Variants in GGCX observed in about 807,000 individuals in gnomAD.
The protein encoded by GGCX is gamma-glutamyl carboxylase, also known as vitamin K-dependent gamma-carboxylase.
GGCX carries 63 observed loss-of-function variants against 88.5 expected under a neutral mutation model. The observed-to-expected ratio is 0.71, with a 90% CI of 0.58 to 0.88. The LOEUF (loss-of-function observed/expected upper bound fraction) is 0.88. Among genes scored for constraint, GGCX ranks in the 40% least tolerant of loss-of-function variants. GGCX has a pLI of 0.00. For synonymous variants in GGCX, 368 were observed against 365.8 expected (o/e 1.01, Z -0.07); for missense variants, 805 against 932.9 (o/e 0.86, Z 1.79).
chr2:85,554,276 C>T lies in GGCX; in HGVS notation c.756G>A (p.Leu252=), dbSNP rs1228961736. Residue 252 remains leucine (L), a synonymous_variant, in exon 7 of 15, where the codon CTG becomes CTA. Coordinates refer to ENST00000233838, the MANE Select transcript of GGCX (RefSeq NM_000821.7). ...GCAGCCCACCCCAGTGCACGACCAG[C>T]AGGCTAGTCAGCTCCTCAGACAACA... The part of the protein sequence containing the change: ...KLLLSEELTS[L]LVVHWGGLLL... The T allele has an allele frequency of 1.9e-6, 3 of 1,614,106 alleles. No homozygotes were observed. The highest frequency in any genetic ancestry group is 1.3e-5 in the African/African-American group (1 of 75,058).
intron 6 of GGCX, chr2:85,554,519 G>GC (rs1692121735): frequency 3.3e-6 from 2 of 598,322 alleles, no homozygotes; most frequent in Non-Finnish European, 6.1e-6. Flanking sequence ...AGGCTGGAAG[G>GC]CAATGGCATG....
chr2:85,561,111 A>G (rs1692431451), intron 1 of GGCX, 126 bp from the exon 2 acceptor site: 1 of 834,384 alleles, frequency 1.2e-6, no homozygotes, highest in African/African-American at 1.7e-5. Context: ...TGCCTCAATG[A>G]TCTGACTATA....
Position 85,548,780 on chromosome 2 carries a change from T to C in GGCX, c.*1154A>G, listed in dbSNP as rs1691789361. ...AGGAGCTTCCTGAGTTACCCTTGTA[T>C]ACCCCAACCTACAAAATGTCTAAGC... On this transcript the variant is annotated 3_prime_UTR_variant, in exon 15 of 15. Coordinates refer to ENST00000233838, the MANE Select transcript of GGCX (RefSeq NM_000821.7). 1 of 152,350 alleles carries C rather than the reference T, an allele frequency of 6.6e-6. No homozygotes were observed. Among genetic ancestry groups the C allele is most frequent in the East Asian group, 1.9e-4 (1 of 5,192 alleles). 9.4% of individuals were successfully genotyped at this position (152,350 alleles called of 1,614,324 possible).
chr2:85,551,449 C>CT lies in GGCX; in HGVS notation c.1740+30dup, dbSNP rs568978484. On this transcript the variant is annotated intron_variant, in intron 12 of 14. Coordinates refer to ENST00000233838, the MANE Select transcript of GGCX (RefSeq NM_000821.7). ...CTGGTGTGAGCTACTGCACTCAGTT[C>CT]TTTCTGCTGTTGTTAATCCCAGCAA... 869 of 1,611,534 alleles carry CT rather than the reference C, an allele frequency of 5.4e-4. 8 individuals carry two copies. In the South Asian group the frequency reaches 6.2e-3, roughly 12 times the overall value.
At chr2:85,556,754 C>G (rs757459193) in intron 4 of GGCX, among the ~76,000 whole-genome samples, 1 of 152,140 alleles carries the variant, frequency 6.6e-6, no homozygotes, top group Admixed American at 6.5e-5. Flanking sequence ...TGGAAGAGAA[C>G]TGATTAGACC....
intron 4 of GGCX, among the ~76,000 whole-genome samples, chr2:85,557,961 G>C (rs1692273873): frequency 6.6e-6 from 1 of 151,978 alleles, no homozygotes; most frequent in South Asian, 2.1e-4. Context: ...CAGAAATGGG[G>C]AAGGGTTACC....
chr2:85,556,107 T>C (rs1692191961), intron 5 of GGCX, 75 bp downstream of exon 5: 4 of 876,498 alleles, frequency 4.6e-6, no homozygotes, highest in Non-Finnish European at 5.9e-6. Flanking sequence ...GCGGAGAGTG[T>C]AGTCTGGCAG....
intron 4 of GGCX, 26 bp from the exon 5 acceptor site, chr2:85,556,286 G>C (rs373606337): frequency 8.4e-6 from 12 of 1,434,130 alleles, no homozygotes; most frequent in African/African-American, 2.8e-5. Context: ...TAAACATTGA[G>C]GGGGGAGCTG....
chr2:85,549,847 T>G lies in GGCX; in HGVS notation c.*87A>C. On this transcript the variant is annotated 3_prime_UTR_variant, in exon 15 of 15. Coordinates refer to ENST00000233838, the MANE Select transcript of GGCX (RefSeq NM_000821.7). ...CCCCCAAAAAAAAAAAAAAAACTTT[T>G]GAGAATTTTTTTCAAATAAATGTCC... 3.7e-6 allele frequency: 3 copies of G among 819,712 alleles called. No individual in the cohort carries two copies. The highest frequency in any genetic ancestry group is 5.8e-6 in the Non-Finnish European group (3 of 520,702). The allele number at this position is 819,712 out of a possible 1,614,324, so 50.8% of individuals were successfully genotyped here.
At position 85,552,397 on chromosome 2, in the gene GGCX, C is replaced by G; in HGVS notation, c.1439+19G>C. ...GAACTGTGCTTCATTTTTTCCCACT[C>G]TCTGCTCCCCTTGCCCACCTCTGCT... On this transcript the variant is annotated intron_variant, in intron 10 of 14. Coordinates refer to ENST00000233838, the MANE Select transcript of GGCX (RefSeq NM_000821.7). 6.2e-7 allele frequency: 1 copy of G among 1,611,270 alleles called. No homozygotes were observed. Among genetic ancestry groups the G allele is most frequent in the Non-Finnish European group, 8.5e-7 (1 of 1,177,404 alleles).
intron 1 of GGCX, 132 bp from the exon 2 acceptor site, chr2:85,561,117 C>T: frequency 2.5e-6 from 2 of 809,342 alleles, no homozygotes; most frequent in Non-Finnish European, 4.3e-6. Flanking sequence ...AATGATCTGA[C>T]TATAGGAAAC....
At position 85,553,236 on chromosome 2, in the gene GGCX, G is replaced by A. The variant is rs773437736; in HGVS notation, c.1151C>T (p.Thr384Ile). Residue 384 changes from threonine to isoleucine, a missense_variant, in exon 8 of 15, where the codon ACC becomes ATC. Transcript: ENST00000233838. ...CACTCCACAGCCCCTACAAACCTGG[G>A]TGAGAAAATGAGAATAGGGCAGGAA... The part of the protein sequence containing the change: ...QLFLPYSHFL[T>I]QGYNNWTNGL... 1.2e-6 allele frequency: 2 copies of A among 1,614,102 alleles called. No individual in the cohort carries two copies. The highest frequency in any genetic ancestry group is 2.7e-5 in the African/African-American group (2 of 74,948).
intron 1 of GGCX, 126 bp downstream of exon 1, chr2:85,561,260 G>T (rs1241035303): frequency 9.0e-6 from 6 of 664,474 alleles, no homozygotes; most frequent in Middle Eastern, 4.1e-4. Flanking sequence ...CTCACAGCAC[G>T]CCCCCTTCCC....
In GGCX at chr2:85,554,290, C is replaced by G; in HGVS notation, c.742G>C (p.Glu248Gln). Residue 248 changes from glutamate to glutamine, a missense_variant, in exon 7 of 15, where the codon GAG becomes CAG. Glu to Gln is a conservative substitution (Grantham distance 29). Transcript: ENST00000233838. ...TGCACGACCAGCAGGCTAGTCAGCT[C>G]CTCAGACAACAGCAGTCTGCAAACA... is the stretch of plus-strand genomic sequence containing the variant. ...FSPFKLLLSE[E>Q]LTSLLVVHWG... The G allele has an allele frequency of 6.2e-7, 1 of 1,614,038 alleles. No homozygotes were observed. Among genetic ancestry groups the G allele is most frequent in the Non-Finnish European group, 8.5e-7 (1 of 1,179,944 alleles).
chr2:85,559,820 G>C (rs1021284816), intron 2 of GGCX, among the ~76,000 whole-genome samples: 6 of 152,154 alleles, frequency 3.9e-5, no homozygotes, highest in African/African-American at 1.2e-4. Context: ...AACACCCTGG[G>C]AATAAACAGA....
chr2:85,548,022 C>G lies in GGCX; in HGVS notation c.*1912G>C, dbSNP rs1691760342. On this transcript the variant is annotated 3_prime_UTR_variant, in exon 15 of 15. Coordinates refer to ENST00000233838, the MANE Select transcript of GGCX (RefSeq NM_000821.7). ...AGACCAGCCTGGCCAATGTGGGAAACCATGTCTCTACTAAAAATACAAAAA... is the reference window on the plus strand; with the variant it reads ...AGACCAGCCTGGCCAATGTGGGAAAGCATGTCTCTACTAAAAATACAAAAA... 1 of 152,162 alleles carries G rather than the reference C, an allele frequency of 6.6e-6. No individual in the cohort carries two copies. Among genetic ancestry groups the G allele is most frequent in the South Asian group, 2.1e-4 (1 of 4,828 alleles). 9.4% of individuals were successfully genotyped at this position (152,162 alleles called of 1,614,324 possible).
chr2:85,547,316 T>C lies in GGCX; in HGVS notation c.*2618A>G, dbSNP rs764584842. The C allele has an allele frequency of 6.6e-6, 1 of 152,200 alleles. No individual in the cohort carries two copies. The highest frequency in any genetic ancestry group is 1.5e-5 in the Non-Finnish European group (1 of 68,028). 9.4% of individuals were successfully genotyped at this position (152,200 alleles called of 1,614,324 possible). A position where few individuals can be genotyped will look rare whatever the true frequency, so the allele number is the denominator to read the frequency against. ...TGAGGAGGATGTATACTAAAGTCTTTTGGCTAAAAGGACATTGATAGCCCA... is the reference window on the plus strand; with the variant it reads ...TGAGGAGGATGTATACTAAAGTCTTCTGGCTAAAAGGACATTGATAGCCCA... On this transcript the variant is annotated 3_prime_UTR_variant, in exon 15 of 15. Coordinates refer to ENST00000233838, the MANE Select transcript of GGCX (RefSeq NM_000821.7).
Position 85,555,603 on chromosome 2 carries a change from T to C in GGCX, c.619-13A>G. Reference sequence around the variant, plus strand: ...ACACAATGAAGATCTGAAAATAAAATGTGACACAAAGTTCAAGCAAAAAGA... The same window carrying C: ...ACACAATGAAGATCTGAAAATAAAACGTGACACAAAGTTCAAGCAAAAAGA... On this transcript the variant is annotated splice_polypyrimidine_tract_variant and intron_variant, in intron 5 of 14. Coordinates refer to ENST00000233838, the MANE Select transcript of GGCX (RefSeq NM_000821.7). 2 of 1,405,428 alleles carry C rather than the reference T, an allele frequency of 1.4e-6. No individual in the cohort carries two copies. Among genetic ancestry groups the C allele is most frequent in the East Asian group, 2.3e-5 (1 of 43,918 alleles). The allele number at this position is 1,405,428 out of a possible 1,614,324, so 87.1% of individuals were successfully genotyped here.
At chr2:85,556,594 CT>C (rs1306848274) in intron 4 of GGCX, among the ~76,000 whole-genome samples, 1 of 152,048 alleles carries the variant, frequency 6.6e-6, no homozygotes, top group Non-Finnish European at 1.5e-5. Context: ...GTTTGAAAAG[CT>C]ATGTATGTGT....
Sources: allele counts gnomAD v4.1 joint callset (sites outside exome capture counted in the v4.1 genomes callset), GRCh38; gene constraint gnomAD v4.1.1; transcripts MANE v1.5; gene names NCBI Gene and HGNC (gene_info 2026-07-23, HGNC 2026-07-21).